The following DYM variants were observed in gnomAD, a reference collection of about 807,000 sequenced individuals.
DYM encodes dymeclin, also known as dyggve-Melchior-Clausen syndrome protein.
Under a neutral mutation model 93.1 loss-of-function variants are expected in DYM, and 78 were observed. The observed-to-expected ratio is 0.84, with a 90% confidence interval of 0.70 to 1.01. The LOEUF is 1.01. Ranked by LOEUF, DYM falls within the 50% of genes least tolerant of loss-of-function variation. The probability of loss-of-function intolerance (pLI) is 0.00; values close to 1 mark genes in which losing one functional copy is unlikely to be tolerated. For missense variants in DYM, 789 were observed against 845.0 expected (o/e 0.93, Z 0.82); for synonymous variants, 321 against 319.7 (o/e 1.00, Z -0.04).
At chr18:49,142,936 C>T (rs911712218) in intron 15 of DYM, among the ~76,000 whole-genome samples, 2 of 151,970 alleles carry the variant, frequency 1.3e-5, no homozygotes, top group African/African-American at 2.4e-5. Context: ...TTCTAAAGCC[C>T]GTAATTAAAT....
intron 2 of DYM, among the ~76,000 whole-genome samples, chr18:49,397,606 T>A (rs1003680582): frequency 6.6e-6 from 1 of 152,230 alleles, no homozygotes; most frequent in Admixed American, 6.5e-5. Context: ...TTCTTTTCTG[T>A]TGCTGGTGAA....
At chr18:49,427,306 T>C (rs1210706906) in intron 2 of DYM, among the ~76,000 whole-genome samples, 1 of 152,104 alleles carries the variant, frequency 6.6e-6, no homozygotes, top group Non-Finnish European at 1.5e-5. Flanking sequence ...TGGAACATTC[T>C]ACAGAAAAAC....
At chr18:49,099,719 A>C (rs2079933282) in intron 16 of DYM, among the ~76,000 whole-genome samples, 1 of 152,188 alleles carries the variant, frequency 6.6e-6, no homozygotes, top group African/African-American at 2.4e-5. Context: ...GACCATCAGC[A>C]AGCACAGTAT....
intron 14 of DYM, among the ~76,000 whole-genome samples, chr18:49,206,930 A>G (rs2092545780): frequency 6.6e-6 from 1 of 152,230 alleles, no homozygotes; most frequent in African/African-American, 2.4e-5. Context: ...TAAATTCTAC[A>G]CTGACTCAGA....
At chr18:49,455,964 A>C (rs1037084820) in intron 1 of DYM, among the ~76,000 whole-genome samples, 1 of 151,998 alleles carries the variant, frequency 6.6e-6, no homozygotes, top group Non-Finnish European at 1.5e-5. Flanking sequence ...AAAAAGCAAA[A>C]AATGCTAATT....
intron 15 of DYM, among the ~76,000 whole-genome samples, chr18:49,129,210 G>GC (rs1229150535): frequency 7.2e-5 from 11 of 152,048 alleles, no homozygotes; most frequent in Admixed American, 7.2e-4. Context: ...CATGGACAGG[G>GC]CACGTCACTT....
chr18:49,456,263 C>G (rs749227909), intron 1 of DYM, among the ~76,000 whole-genome samples: 7 of 152,188 alleles, frequency 4.6e-5, no homozygotes, highest in Non-Finnish European at 8.8e-5. Flanking sequence ...TTTAATCGTC[C>G]ACCTCTGGAC....
At chr18:49,157,842 A>T (rs1399313296) in intron 15 of DYM, among the ~76,000 whole-genome samples, 2 of 152,202 alleles carry the variant, frequency 1.3e-5, no homozygotes, top group African/African-American at 4.8e-5. Context: ...CCTAACCCAA[A>T]GTCATGAAGG....
chr18:49,232,002 T>C (rs1598792834), intron 13 of DYM, among the ~76,000 whole-genome samples: 1 of 152,240 alleles, frequency 6.6e-6, no homozygotes, highest in East Asian at 1.9e-4. Context: ...AATTCCTTTA[T>C]AATAATATTC....
Position 49,054,031 on chromosome 18 carries a change from A to G in DYM, c.2026-9827T>C, listed in dbSNP as rs560178983. ...CAGGAGGTTTTACGTGGGCTTGGAC[A>G]GCAAACTCTGGGAGAAATAATGAAT... On this transcript the variant is annotated intron_variant, in intron 17 of 17. Transcript: ENST00000675505. 5.3e-5 allele frequency among the ~76,000 whole-genome samples: 8 copies of G among 152,308 alleles called. No homozygotes were observed. The East Asian group carries it at 1.3e-3, about 26-fold the overall frequency.
intron 17 of DYM, among the ~76,000 whole-genome samples, chr18:49,094,806 A>G (rs1432574376): frequency 6.6e-6 from 1 of 152,222 alleles, no homozygotes; most frequent in Non-Finnish European, 1.5e-5. Flanking sequence ...CTTCAATTCT[A>G]CAATGCAAGG....
At chr18:49,073,486 A>G (rs1280617932) in intron 17 of DYM, among the ~76,000 whole-genome samples, 1 of 152,226 alleles carries the variant, frequency 6.6e-6, no homozygotes, top group Admixed American at 6.5e-5. Flanking sequence ...CTTGAAGGCA[A>G]GAGAAGTTTG....
chr18:49,349,330 C>A (rs1340476170), intron 6 of DYM, among the ~76,000 whole-genome samples: 1 of 151,968 alleles, frequency 6.6e-6, no homozygotes, highest in Non-Finnish European at 1.5e-5. Context: ...CATAAATTTT[C>A]TTGAAATAAA....
At chr18:49,317,692 T>TTCCTTCCTTCCTTCCTTCCTTC (rs1568237353) in intron 8 of DYM, among the ~76,000 whole-genome samples, 32 of 39,424 alleles carry the variant, frequency 8.1e-4, no homozygotes, top group African/African-American at 9.8e-4. Flanking sequence ...TTCCTTCCTT[T>TTCCTTCCTTCCTTCCTTCCTTC]CTTTCTTTCT....
In DYM at chr18:49,061,330, G is replaced by A. The variant is rs555527998; in HGVS notation, c.2026-17126C>T. On this transcript the variant is annotated intron_variant, in intron 17 of 17. Coordinates refer to ENST00000675505, the MANE Select transcript of DYM (RefSeq NM_001353214.3). ...TTTGGGCATGTGGAGGTGGGGGGAA[G>A]GGCATCCCAGGCAGAGGAATAATAG... Among the ~76,000 whole-genome samples the A allele has an allele frequency of 1.1e-4, 16 of 152,232 alleles. No individual in the cohort carries two copies. The South Asian group carries it at 3.3e-3, about 32-fold the overall frequency.
intron 5 of DYM, among the ~76,000 whole-genome samples, chr18:49,375,171 T>C (rs984879948): frequency 2.1e-5 from 3 of 140,920 alleles, no homozygotes; most frequent in Non-Finnish European, 4.5e-5. Flanking sequence ...CTCTCACAGT[T>C]ACAAAGCGGG....
intron 8 of DYM, among the ~76,000 whole-genome samples, chr18:49,318,625 C>CA (rs1024486737): frequency 6.7e-6 from 1 of 148,830 alleles, no homozygotes; most frequent in Non-Finnish European, 1.5e-5. Context: ...TGTCCCCCCA[C>CA]AAAAAAGAGA....
chr18:49,135,043 G>A (rs1002967271), intron 15 of DYM, among the ~76,000 whole-genome samples: 13 of 152,230 alleles, frequency 8.5e-5, no homozygotes, highest in African/African-American at 3.1e-4. Context: ...GGGAGGCGGA[G>A]GTTGCAGTGA....
intron 13 of DYM, among the ~76,000 whole-genome samples, chr18:49,230,663 T>C (rs182618834): frequency 2.6e-4 from 40 of 152,338 alleles, no homozygotes; most frequent in Admixed American, 1.2e-3. Context: ...AGAAGAGTTA[T>C]TTCTCAAGGT....
Sources: gnomAD v4.1 joint callset for allele counts (sites outside exome capture counted in the v4.1 genomes callset) on GRCh38, gnomAD v4.1.1 for gene constraint, MANE v1.5 for transcripts, NCBI Gene and HGNC (gene_info 2026-07-23, HGNC 2026-07-21) for gene names.